THEMIS2: variants seen among roughly 807,000 people sequenced by gnomAD.
The protein encoded by THEMIS2 is thymocyte selection associated family member 2.
A neutral mutation model predicts 46.8 loss-of-function variants in THEMIS2; 29 were observed. The observed-to-expected ratio is 0.62, with a 90% CI of 0.46 to 0.84. The LOEUF is 0.84. THEMIS2 is among the 40% of genes least tolerant of loss of function. The pLI is 0.00. For synonymous variants in THEMIS2, 335 were observed against 349.1 expected (o/e 0.96, Z 0.45); for missense variants, 698 against 834.7 (o/e 0.84, Z 2.02).
Position 27,882,002 on chromosome 1 carries a change from C to T in THEMIS2, c.678C>T (p.Thr226=). 2 of 1,613,954 alleles carry T rather than the reference C, an allele frequency of 1.2e-6. No individual in the cohort carries two copies. Among genetic ancestry groups the T allele is most frequent in the Admixed American group, 1.7e-5 (1 of 60,006 alleles). Residue 226 remains threonine, a synonymous_variant, in exon 4 of 6, where the codon ACC becomes ACT. Transcript: ENST00000373921. The surrounding 1 kb of genome is among the most constrained non-coding windows in gnomAD (Gnocchi z 7.6). ...GGACCATTGTCAAGATCCCTTCTAC[C>T]CTGGAGGTCGACGTGGAGGACGTCA... The part of the protein sequence containing the change: ...MRRTIVKIPS[T]LEVDVEDVTA...
Position 27,872,680 on chromosome 1 carries a change from G to A in THEMIS2, c.94+15G>A. On this transcript the variant is annotated intron_variant, in intron 1 of 5. Transcript: ENST00000373921. The surrounding 1 kb of genome is among the most constrained non-coding windows in gnomAD (Gnocchi z 4.9). ...CTACTTCGAGGGTGAGCGGGGGCTGGAACCCCTCCGAGCACTCCCTTGGTG... is the reference window on the plus strand; with the variant it reads ...CTACTTCGAGGGTGAGCGGGGGCTGAAACCCCTCCGAGCACTCCCTTGGTG... 3.0e-6 allele frequency: 4 copies of A among 1,354,056 alleles called. No individual in the cohort carries two copies. Among genetic ancestry groups the A allele is most frequent in the South Asian group, 1.7e-5 (1 of 59,974 alleles). 83.9% of individuals were successfully genotyped at this position (1,354,056 alleles called of 1,614,324 possible). A position where few individuals can be genotyped will look rare whatever the true frequency, so the allele number is the denominator to read the frequency against.
Position 27,885,296 on chromosome 1 carries a change from C to A in THEMIS2, c.1721C>A (p.Ser574Tyr). 1 of 1,613,276 alleles carries A rather than the reference C, an allele frequency of 6.2e-7. No homozygotes were observed. Among genetic ancestry groups the A allele is most frequent in the Non-Finnish European group, 8.5e-7 (1 of 1,179,720 alleles). Reference protein sequence around the residue: ...RRHSSEGGVKSSQVLGLQQHA... With the variant: ...RRHSSEGGVKYSQVLGLQQHA... The stretch of plus-strand genomic sequence containing the variant: ...TGATTTCTGCTTTTTCTCCCAAAGT[C>A]TTCTCAAGTCTTAGGATTGCAGCAA... Residue 574 changes from serine (S) to tyrosine (Y), a missense_variant and splice_region_variant, in exon 5 of 6, where the codon TCT (serine) becomes TAT (tyrosine). Coordinates refer to ENST00000373921, the MANE Select transcript of THEMIS2 (RefSeq NM_001105556.3).
At chr1:27,873,340 T>A (rs568856858) in intron 1 of THEMIS2, among the ~76,000 whole-genome samples, 15 of 151,864 alleles carry the variant, frequency 9.9e-5, no homozygotes, top group Non-Finnish European at 2.2e-4. Flanking sequence ...TAACAGACAG[T>A]GGAGGGCAGG....
At chr1:27,883,149 T>A in intron 4 of THEMIS2, 106 bp downstream of exon 4, 10 of 1,008,932 alleles carry the variant, frequency 9.9e-6, no homozygotes, top group Non-Finnish European at 1.4e-5. Context: ...AAACTTGTAG[T>A]TTATAAACTT....
rs923351161 is a variant in THEMIS2 at position 27,872,612 on chromosome 1, A to T, written c.41A>T (p.Asp14Val). Residue 14 changes from aspartate (D) to valine (V), a missense_variant, in exon 1 of 6, where the codon GAC (aspartate) becomes GTC (valine). Transcript: ENST00000373921. The surrounding 1 kb of genome is among the most constrained non-coding windows in gnomAD (Gnocchi z 4.9). ...VPLQDFVRALDPASLPRVLRV... is the reference protein window; with the variant it reads ...VPLQDFVRALVPASLPRVLRV... ...CTGCAGGACTTCGTGCGCGCCTTGG[A>T]CCCCGCCTCCCTCCCGCGCGTGCTG... is the stretch of plus-strand genomic sequence containing the variant. The T allele has an allele frequency of 4.1e-6, 6 of 1,477,908 alleles. No individual in the cohort carries two copies. In the Admixed American group the frequency reaches 1.4e-4, roughly 34 times the overall value. The allele number at this position is 1,477,908 out of a possible 1,614,324, so 91.5% of individuals were successfully genotyped here.
intron 1 of THEMIS2, among the ~76,000 whole-genome samples, chr1:27,873,611 G>C (rs1390393495): frequency 6.6e-6 from 1 of 152,138 alleles, no homozygotes; most frequent in East Asian, 1.9e-4. Flanking sequence ...CCTCATGAAG[G>C]GTCCCGCAGG....
intron 4 of THEMIS2, chr1:27,884,643 C>T (rs2089738216): frequency 2.0e-5 from 3 of 152,434 alleles, no homozygotes; most frequent in African/African-American, 7.2e-5. Context: ...ACAACTTTTC[C>T]CCTCTGTGCG....
intron 2 of THEMIS2, 74 bp from the exon 3 acceptor site, chr1:27,879,570 G>T: frequency 7.3e-7 from 1 of 1,368,294 alleles, no homozygotes; most frequent in Non-Finnish European, 1.0e-6. Flanking sequence ...CCAGACTGGG[G>T]TCTGGACCTG....
At position 27,882,140 on chromosome 1, in the gene THEMIS2, C is replaced by A. The variant is rs957981110; in HGVS notation, c.816C>A (p.Arg272=). 1 of 1,614,102 alleles carries A rather than the reference C, an allele frequency of 6.2e-7. No homozygotes were observed. Among genetic ancestry groups the A allele is most frequent in the Non-Finnish European group, 8.5e-7 (1 of 1,180,044 alleles). Residue 272 remains arginine (R), a synonymous_variant, in exon 4 of 6, where the codon CGC becomes CGA. Transcript: ENST00000373921. This position sits in a 1 kb window ranked among gnomAD's most constrained non-coding sequence, Gnocchi z 7.6. Reference sequence around the variant, plus strand: ...AGATCCTGGAGGTTCCTGAGGGCCGCCCCATCTTCCTCAGCCCGTGGGTGG... The same window carrying A: ...AGATCCTGGAGGTTCCTGAGGGCCGACCCATCTTCCTCAGCCCGTGGGTGG... The part of the protein sequence containing the change: ...SMEILEVPEG[R]PIFLSPWVGS...
intron 1 of THEMIS2, among the ~76,000 whole-genome samples, chr1:27,873,622 G>A (rs959854844): frequency 6.6e-6 from 1 of 152,126 alleles, no homozygotes; most frequent in African/African-American, 2.4e-5. Flanking sequence ...GTCCCGCAGG[G>A]GGCCACCACC....
At chr1:27,875,982 G>T (rs113589802) in intron 1 of THEMIS2, among the ~76,000 whole-genome samples, 1 of 151,974 alleles carries the variant, frequency 6.6e-6, no homozygotes, top group Non-Finnish European at 1.5e-5. Flanking sequence ...GATTACAGGC[G>T]TGAGCCACCG....
At chr1:27,883,931 C>T (rs1296778181) in intron 4 of THEMIS2, 18 of 152,276 alleles carry the variant, frequency 1.2e-4, no homozygotes, top group Admixed American at 1.2e-3. Flanking sequence ...AACAGAATCA[C>T]AGATGAGCGG....
chr1:27,880,157 T>TCC, intron 3 of THEMIS2, 103 bp downstream of exon 3: 1 of 1,336,390 alleles, frequency 7.5e-7, no homozygotes, highest in Admixed American at 2.8e-5. Flanking sequence ...TCCCTGAGGA[T>TCC]CAGCTGGAAC....
chr1:27,885,493 CCCCT>C (rs2089755325), intron 5 of THEMIS2, 42 bp downstream of exon 5: 1 of 1,596,422 alleles, frequency 6.3e-7, no homozygotes, highest in Admixed American at 1.8e-5. Flanking sequence ...CCTTGTGTCT[CCCCT>C]CCCTACCTTG....
chr1:27,879,822 C>T lies in THEMIS2; in HGVS notation c.414C>T (p.His138=), dbSNP rs780646435. 6.2e-7 allele frequency: 1 copy of T among 1,613,748 alleles called. No homozygotes were observed. Among genetic ancestry groups the T allele is most frequent in the Non-Finnish European group, 8.5e-7 (1 of 1,179,704 alleles). ...QLLMLEAVVM[H]LGIRSARCVL... ...TCATGCTTGAGGCTGTGGTGATGCA[C>T]CTCGGGATCCGCTCTGCCCGCTGTG... Residue 138 remains histidine (H), a synonymous_variant, in exon 3 of 6, where the codon CAC becomes CAT. Transcript: ENST00000373921.
At chr1:27,875,047 C>T (rs538281931) in intron 1 of THEMIS2, among the ~76,000 whole-genome samples, 1 of 151,564 alleles carries the variant, frequency 6.6e-6, no homozygotes, top group East Asian at 1.9e-4. Flanking sequence ...AGCCTGATTT[C>T]AGCTCACTGC....
At chr1:27,879,378 T>G (rs1041749791) in intron 2 of THEMIS2, among the ~76,000 whole-genome samples, 1 of 152,098 alleles carries the variant, frequency 6.6e-6, no homozygotes, top group Non-Finnish European at 1.5e-5. Context: ...AATGTGTCCC[T>G]CTTCCATTCT....
rs995887761 is a variant in THEMIS2, at chr1:27,872,761, G to A, written c.94+96G>A. On this transcript the variant is annotated intron_variant, in intron 1 of 5. Transcript: ENST00000373921. The surrounding 1 kb of genome is among the most constrained non-coding windows in gnomAD (Gnocchi z 4.9). ...TTAGCAATCCGGGGAAACTGCCCCT[G>A]GGTTCAAATCCCGACACTGCCACTG... 1 of 1,042,934 alleles carries A rather than the reference G, an allele frequency of 9.6e-7. No homozygotes were observed. The highest frequency in any genetic ancestry group is 1.7e-5 in the African/African-American group (1 of 60,348). 64.6% of individuals were successfully genotyped at this position (1,042,934 alleles called of 1,614,324 possible).
At position 27,885,847 on chromosome 1, in the gene THEMIS2, T is replaced by C. The variant is rs775902978; in HGVS notation, c.1877-20T>C. ...CTTGCCTAACGCTAAAGATCCTCATTGACTCGGACTCTTTTGCAGATGATG... is the reference window on the plus strand; with the variant it reads ...CTTGCCTAACGCTAAAGATCCTCATCGACTCGGACTCTTTTGCAGATGATG... On this transcript the variant is annotated intron_variant, in intron 5 of 5. Coordinates refer to ENST00000373921, the MANE Select transcript of THEMIS2 (RefSeq NM_001105556.3). The C allele has an allele frequency of 1.7e-5, 27 of 1,613,536 alleles. No individual in the cohort carries two copies. Among genetic ancestry groups the C allele is most frequent in the Non-Finnish European group, 1.1e-5 (13 of 1,179,748 alleles).
Sources: gnomAD v4.1 joint callset for allele counts (sites outside exome capture counted in the v4.1 genomes callset) on GRCh38, gnomAD v4.1.1 for gene constraint, Gnocchi (gnomAD v3.1) non-coding constraint, MANE v1.5 for transcripts, NCBI Gene and HGNC (gene_info 2026-07-23, HGNC 2026-07-21) for gene names.